NIPBL: variants seen among roughly 807,000 people sequenced by gnomAD.
The protein encoded by NIPBL is NIPBL cohesin loading factor.
A neutral mutation model predicts 321.8 loss-of-function variants in NIPBL; 19 were observed. The observed-to-expected ratio is 0.06, with a 90% confidence interval of 0.04 to 0.09. The LOEUF is 0.09. Ranked by LOEUF, NIPBL falls within the 10% of genes least tolerant of loss-of-function variation. The pLI is 1.00. For synonymous variants in NIPBL, 1,106 were observed against 1,114.1 expected (o/e 0.99, Z 0.14); for missense variants, 2,210 against 3,327.0 (o/e 0.66, Z 8.26).
chr5:36,898,430 G>T (rs754999259), intron 1 of NIPBL, among the ~76,000 whole-genome samples: 3 of 151,848 alleles, frequency 2.0e-5, no homozygotes. Flanking sequence ...CAATTGAGGC[G>T]TAGGAAGTTA....
intron 1 of NIPBL, among the ~76,000 whole-genome samples, chr5:36,934,816 C>G (rs1750036354): frequency 6.6e-6 from 1 of 151,512 alleles, no homozygotes; most frequent in Non-Finnish European, 1.5e-5. Flanking sequence ...ACCTAAGTAG[C>G]TAGAGTTAAG....
intron 1 of NIPBL, among the ~76,000 whole-genome samples, chr5:36,889,378 G>A (rs187056247): frequency 1.3e-4 from 20 of 152,182 alleles, no homozygotes; most frequent in African/African-American, 3.6e-4. Context: ...CTAATTGTAG[G>A]CTTGGGGCTA....
chr5:36,974,911 AG>A (rs1189283685), intron 8 of NIPBL, among the ~76,000 whole-genome samples: 1 of 152,080 alleles, frequency 6.6e-6, no homozygotes, highest in Non-Finnish European at 1.5e-5. Flanking sequence ...TACATTATTC[AG>A]ATGCAGTTAT....
intron 4 of NIPBL, 90 bp from the exon 5 acceptor site, chr5:36,961,394 A>C: frequency 1.2e-6 from 1 of 824,874 alleles, no homozygotes; most frequent in East Asian, 2.5e-5. Context: ...AAATCTCTGG[A>C]ATGTTTGAAA....
chr5:36,990,485 T>C (rs1408873988), intron 10 of NIPBL, among the ~76,000 whole-genome samples: 1 of 152,230 alleles, frequency 6.6e-6, no homozygotes, highest in African/African-American at 2.4e-5. Context: ...TTGAATAATA[T>C]TTAATGATGC....
intron 1 of NIPBL, among the ~76,000 whole-genome samples, chr5:36,903,154 A>G (rs1029360898): frequency 3.3e-5 from 5 of 152,202 alleles, no homozygotes; most frequent in African/African-American, 7.2e-5. Flanking sequence ...TATCAGATCT[A>G]GGAGTTCTTG....
chr5:36,963,957 ACATC>A (rs1332682348), intron 6 of NIPBL, among the ~76,000 whole-genome samples: 1 of 152,214 alleles, frequency 6.6e-6, no homozygotes, highest in African/African-American at 2.4e-5. Context: ...TCAAAAGAGC[ACATC>A]CATATACACA....
intron 1 of NIPBL, among the ~76,000 whole-genome samples, chr5:36,877,625 A>G (rs554859513): frequency 1.5e-4 from 23 of 152,304 alleles, no homozygotes; most frequent in Admixed American, 6.5e-4. Flanking sequence ...CCGGTCCGGG[A>G]GTGGGGAACG....
chr5:36,994,350 C>T (rs1010574890), intron 10 of NIPBL, among the ~76,000 whole-genome samples: 2 of 151,886 alleles, frequency 1.3e-5, no homozygotes, highest in African/African-American at 4.8e-5. Context: ...TGAAATAACT[C>T]CTTTGTGATA....
chr5:36,910,208 G>A (rs1351349611), intron 1 of NIPBL, among the ~76,000 whole-genome samples: 1 of 152,106 alleles, frequency 6.6e-6, no homozygotes, highest in Non-Finnish European at 1.5e-5. Flanking sequence ...TAGAACCAAG[G>A]CTTTCAAAGG....
intron 4 of NIPBL, among the ~76,000 whole-genome samples, chr5:36,959,999 AG>A (rs1741428215): frequency 6.6e-6 from 1 of 152,112 alleles, no homozygotes; most frequent in African/African-American, 2.4e-5. Context: ...TGGGAGGCCA[AG>A]GTAGGAGGAT....
At chr5:36,889,295 G>T (rs1746146297) in intron 1 of NIPBL, among the ~76,000 whole-genome samples, 1 of 152,072 alleles carries the variant, frequency 6.6e-6, no homozygotes, top group African/African-American at 2.4e-5. Context: ...ATATACAGAA[G>T]TGTTTTGAGT....
chr5:37,014,599 C>G (rs575850205), intron 21 of NIPBL, 84 bp from the exon 22 acceptor site: 1 of 800,720 alleles, frequency 1.2e-6, no homozygotes, highest in South Asian at 1.5e-5. Flanking sequence ...ATATATTACC[C>G]CTCTTCAGTA....
At chr5:37,005,525 C>T (rs1405113743) in intron 16 of NIPBL, among the ~76,000 whole-genome samples, 1 of 152,144 alleles carries the variant, frequency 6.6e-6, no homozygotes, top group Non-Finnish European at 1.5e-5. Context: ...CTGACTCTTC[C>T]AAACAAACAG....
chr5:37,018,395 T>A (rs1208904321), intron 24 of NIPBL, among the ~76,000 whole-genome samples: 1 of 152,200 alleles, frequency 6.6e-6, no homozygotes, highest in African/African-American at 2.4e-5. Flanking sequence ...CTAGATTTGA[T>A]CAATGAGAAC....
chr5:36,918,467 CA>C (rs1280540138), intron 1 of NIPBL, among the ~76,000 whole-genome samples: 1 of 152,122 alleles, frequency 6.6e-6, no homozygotes, highest in African/African-American at 2.4e-5. Context: ...ATGTCATCTG[CA>C]AACAGGGACA....
intron 1 of NIPBL, among the ~76,000 whole-genome samples, chr5:36,877,650 A>C (rs191848215): frequency 5.9e-5 from 9 of 152,340 alleles, no homozygotes; most frequent in South Asian, 2.1e-4. Flanking sequence ...AGTGAAACAA[A>C]CAACCTCCCT....
chr5:36,992,660 C>A (rs1745661925), intron 10 of NIPBL, among the ~76,000 whole-genome samples: 1 of 151,932 alleles, frequency 6.6e-6, no homozygotes, highest in African/African-American at 2.4e-5. Flanking sequence ...TTATCCAGAT[C>A]CTTGATGTCA....
At chr5:37,013,709 T>C (rs1748541416) in intron 21 of NIPBL, among the ~76,000 whole-genome samples, 1 of 150,680 alleles carries the variant, frequency 6.6e-6, no homozygotes, top group East Asian at 2.0e-4. Flanking sequence ...GCAGAGATGC[T>C]CCTCACTTTC....
Sources: allele counts gnomAD v4.1 joint callset (sites outside exome capture counted in the v4.1 genomes callset), GRCh38; gene constraint gnomAD v4.1.1; transcripts MANE v1.5; gene names NCBI Gene and HGNC (gene_info 2026-07-23, HGNC 2026-07-21).